The following MICAL2 variants were observed in gnomAD, a reference collection of about 807,000 sequenced individuals.
MICAL2 encodes microtubule associated monooxygenase, calponin and LIM domain containing 2.
A neutral mutation model predicts 127.3 loss-of-function variants in MICAL2; 77 were observed. The ratio of observed to expected loss-of-function variants is 0.60; its 90% CI spans 0.50 to 0.73. The LOEUF is 0.73. MICAL2 is among the 30% of genes least tolerant of loss of function. The probability of loss-of-function intolerance (pLI) is 0.00; values close to 1 mark genes in which losing one functional copy is unlikely to be tolerated. For missense variants in MICAL2, 1,351 were observed against 1,434.4 expected (o/e 0.94, Z 0.94); for synonymous variants, 570 against 551.1 (o/e 1.03, Z -0.48).
chr11:12,325,250 C>T (rs1326912084), intron 31 of MICAL2, among the ~76,000 whole-genome samples: 1 of 152,130 alleles, frequency 6.6e-6, no homozygotes, highest in Non-Finnish European at 1.5e-5. Context: ...GCTGGGATTA[C>T]AGAAGCCCAC....
At chr11:12,196,542 G>C (rs888367969) in intron 3 of MICAL2, among the ~76,000 whole-genome samples, 1 of 152,120 alleles carries the variant, frequency 6.6e-6, no homozygotes. Context: ...AGATGAGGAG[G>C]AGCAGCAAGG....
intron 10 of MICAL2, 51 bp downstream of exon 10, chr11:12,221,810 G>A (rs1034524845): frequency 6.8e-7 from 1 of 1,479,784 alleles, no homozygotes; most frequent in Non-Finnish European, 9.4e-7. Flanking sequence ...ACTCAGGCAG[G>A]AAAGGGGGCA....
chr11:12,259,830 G>A lies in MICAL2; in HGVS notation c.3267G>A (p.Arg1089=). ...CATGGCAAGAGCAGGAAGCCCCTCG[G>A]AGAGACACTCCCACCGAAAGTTCTT... ...EATWQEQEAP[R]RDTPTESSCA... Residue 1089 remains arginine (R), a synonymous_variant, in exon 26 of 28, where the codon CGG becomes CGA. Transcript: ENST00000683283. The A allele has an allele frequency of 6.3e-7, 1 of 1,584,154 alleles. No individual in the cohort carries two copies. Among genetic ancestry groups the A allele is most frequent in the Non-Finnish European group, 8.6e-7 (1 of 1,162,058 alleles).
chr11:12,335,769 T>C (rs1200639808), intron 32 of MICAL2, among the ~76,000 whole-genome samples: 5 of 152,232 alleles, frequency 3.3e-5, no homozygotes, highest in African/African-American at 7.2e-5. Context: ...GTTGTAGATA[T>C]GCAGCATTAT....
At chr11:12,351,120 A>G (rs557517686) in intron 33 of MICAL2, among the ~76,000 whole-genome samples, 3 of 152,310 alleles carry the variant, frequency 2.0e-5, no homozygotes, top group Admixed American at 2.0e-4. Context: ...TCCTTAACTT[A>G]ATTGCATCTG....
chr11:12,275,237 T>C (rs946898252), upstream of MICAL2, among the ~76,000 whole-genome samples: 2 of 152,144 alleles, frequency 1.3e-5, no homozygotes, highest in African/African-American at 4.8e-5. Context: ...TTCGGACTTG[T>C]TGAGTCTGAT....
intron 29 of MICAL2, among the ~76,000 whole-genome samples, chr11:12,298,025 A>G (rs909403663): frequency 2.0e-5 from 3 of 151,744 alleles, no homozygotes; most frequent in Non-Finnish European, 4.4e-5. Context: ...TTGATGTTCT[A>G]TATGAACTTA....
intron 6 of MICAL2, among the ~76,000 whole-genome samples, chr11:12,212,734 C>A (rs888455266): frequency 2.3e-5 from 3 of 127,744 alleles, no homozygotes; most frequent in Non-Finnish European, 1.6e-5. Context: ...AGGATTTCAA[C>A]ACATGAATTT....
At chr11:12,242,465 G>A (rs370660768) in intron 19 of MICAL2, 33 bp downstream of exon 19, 55 of 1,571,538 alleles carry the variant, frequency 3.5e-5, no homozygotes, top group Non-Finnish European at 4.2e-5. Context: ...GTCTCTGTCC[G>A]TGTCTGGGTG....
intron 23 of MICAL2, 153 bp from the exon 24 acceptor site, chr11:12,256,632 C>T: frequency 1.4e-6 from 1 of 701,428 alleles, no homozygotes; most frequent in Admixed American, 3.0e-5. Context: ...GGTGTATCTT[C>T]CTACCCCTCC....
intron 1 of MICAL2, among the ~76,000 whole-genome samples, chr11:12,126,701 T>G (rs943499363): frequency 3.6e-5 from 3 of 83,174 alleles, no homozygotes; most frequent in Admixed American, 1.1e-4. Context: ...AAGGCTTATG[T>G]GTGTAAAAAA....
chr11:12,207,596 C>A (rs2134153787), intron 4 of MICAL2: 1 of 156,316 alleles, frequency 6.4e-6, no homozygotes, highest in South Asian at 2.0e-4. Context: ...AGTCACTGAT[C>A]ACGGTCTTCA....
intron 29 of MICAL2, chr11:12,319,651 G>A (rs779971894): frequency 7.2e-7 from 1 of 1,388,270 alleles, no homozygotes; most frequent in South Asian, 1.2e-5. Context: ...CATAAAGCAG[G>A]AAATGAAGCT....
At chr11:12,231,385 T>C (rs965428315) in intron 15 of MICAL2, among the ~76,000 whole-genome samples, 1 of 152,204 alleles carries the variant, frequency 6.6e-6, no homozygotes. Flanking sequence ...AGAGTGGCAT[T>C]CACAAAATGT....
downstream of MICAL2, among the ~76,000 whole-genome samples, chr11:12,267,568 A>G (rs972046895): frequency 6.6e-5 from 10 of 150,796 alleles, no homozygotes; most frequent in African/African-American, 1.5e-4. Context: ...TTCTCCCTTC[A>G]CCCCTCAACC....
At chr11:12,286,479 G>A (rs573786160) in intron 2 of MICAL2, among the ~76,000 whole-genome samples, 7 of 152,298 alleles carry the variant, frequency 4.6e-5, no homozygotes, top group East Asian at 1.9e-4. Flanking sequence ...ATGCATATAC[G>A]CATAGATGCA....
At chr11:12,291,993 C>A, downstream of MICAL2, 1 of 934,772 alleles carries the variant, frequency 1.1e-6, no homozygotes, top group Non-Finnish European at 1.6e-6. Flanking sequence ...CTCTGAGTCC[C>A]ACGCCTTGGG....
rs1425829730 is a variant in MICAL2, at chr11:12,110,977, G to A, written c.-149+251G>A. On this transcript the variant is annotated intron_variant, in intron 1 of 27. Transcript: ENST00000683283. The surrounding 1 kb of genome is among the most constrained non-coding windows in gnomAD (Gnocchi z 4.5). ...AATAAAAGCCTCCCACCGGCACGCC[G>A]AACTACCTCTTACTCCGCTCCGCAA... Among the ~76,000 whole-genome samples the A allele has an allele frequency of 2.0e-5, 3 of 152,132 alleles. No homozygotes were observed. Among genetic ancestry groups the A allele is most frequent in the Non-Finnish European group, 4.4e-5 (3 of 68,038 alleles).
At chr11:12,213,102 T>G (rs921296246) in intron 6 of MICAL2, among the ~76,000 whole-genome samples, 153 bp from the exon 7 acceptor site, 3 of 152,182 alleles carry the variant, frequency 2.0e-5, no homozygotes, top group Non-Finnish European at 4.4e-5. Flanking sequence ...GGGAGCAAAC[T>G]TCGGTATTTC....
Sources: allele counts gnomAD v4.1 joint callset (sites outside exome capture counted in the v4.1 genomes callset), GRCh38; gene constraint gnomAD v4.1.1; non-coding constraint Gnocchi (gnomAD v3.1); transcripts MANE v1.5; gene names NCBI Gene and HGNC (gene_info 2026-07-23, HGNC 2026-07-21).